The following CDKN2A variants were observed in gnomAD, a reference collection of about 807,000 sequenced individuals.
CDKN2A encodes cyclin dependent kinase inhibitor 2A.
A neutral mutation model predicts 11.1 loss-of-function variants in CDKN2A; 3 were observed. That is an observed-to-expected ratio of 0.27 (90% CI 0.12 to 0.70). CDKN2A has a LOEUF of 0.70. Ranked by LOEUF, CDKN2A falls within the 30% of genes least tolerant of loss-of-function variation. The pLI is 0.77. For synonymous variants in CDKN2A, 122 were observed against 108.1 expected (o/e 1.13, Z -0.80); for missense variants, 265 against 233.6 (o/e 1.13, Z -0.88).
chr9:21,993,781 T>G, intron 2 of CDKN2A: 1 of 290,964 alleles, frequency 3.4e-6, no homozygotes, highest in Non-Finnish European at 6.5e-6. Flanking sequence ...AAAGTGTGCT[T>G]GAAATACACC....
In CDKN2A at chr9:21,971,010, G is replaced by A. The variant is rs767692456; in HGVS notation, c.349C>T (p.Leu117=). ...RDAWGRLPVD[L]AEELGHRDVA... ...TCGCGATGGCCCAGCTCCTCAGCCA[G>A]GTCCACGGGCAGACGGCCCCAGGCA... Residue 117 remains leucine (L), a synonymous_variant, in exon 2 of 3, where the codon CTG becomes TTG. Coordinates refer to ENST00000304494, the MANE Select transcript of CDKN2A (RefSeq NM_000077.5). 6.2e-7 allele frequency: 1 copy of A among 1,608,576 alleles called. No homozygotes were observed. Among genetic ancestry groups the A allele is most frequent in the South Asian group, 1.1e-5 (1 of 91,004 alleles).
intron 2 of CDKN2A, chr9:21,969,662 C>T (rs1329366959): frequency 5.1e-6 from 2 of 393,040 alleles, no homozygotes; most frequent in African/African-American, 2.1e-5. Context: ...CCACTTGGCT[C>T]CTCAGGCTTT....
chr9:21,981,908 A>T (rs1372457000), intron 2 of CDKN2A, among the ~76,000 whole-genome samples: 2 of 152,222 alleles, frequency 1.3e-5, no homozygotes, highest in African/African-American at 4.8e-5. Context: ...CTGAGAAAGT[A>T]GAGCAGACCT....
rs2131109083 is a variant in CDKN2A at position 21,974,454 on chromosome 9, G to A, written c.150+224C>T. On this transcript the variant is annotated intron_variant, in intron 1 of 2. Transcript: ENST00000304494. This position sits in a 1 kb window ranked among gnomAD's most constrained non-coding sequence, Gnocchi z 5.2. ...CCCTTCAGATCTTCTCAGCATTCGA[G>A]AGATCTGTACGCGCGTGGCTCCTCA... 1 of 1,605,814 alleles carries A rather than the reference G, an allele frequency of 6.2e-7. No homozygotes were observed. The highest frequency in any genetic ancestry group is 8.5e-7 in the Non-Finnish European group (1 of 1,178,772).
intron 2 of CDKN2A, among the ~76,000 whole-genome samples, chr9:21,979,958 A>G (rs1820133711): frequency 6.6e-6 from 1 of 152,206 alleles, no homozygotes; most frequent in African/African-American, 2.4e-5. Flanking sequence ...AAAGAGACAG[A>G]AAGATACTTG....
In CDKN2A at chr9:21,988,312, C is replaced by T. The variant is rs190681559; in HGVS notation, c.-4+5570G>A. On this transcript the variant is annotated intron_variant, in intron 2 of 3. Transcript: ENST00000494262. This position sits in a 1 kb window ranked among gnomAD's most constrained non-coding sequence, Gnocchi z 4.1. ...CATGTTTATATTTTCATGAACAAAG[C>T]CAATAAGTCATAAAAATTAAAAATC... Among the ~76,000 whole-genome samples, 1 of 152,208 alleles carries T rather than the reference C, an allele frequency of 6.6e-6. No homozygotes were observed. Among genetic ancestry groups the T allele is most frequent in the East Asian group, 1.9e-4 (1 of 5,182 alleles).
At position 21,991,882 on chromosome 9, in the gene CDKN2A, GCTTAC is replaced by G; in HGVS notation, c.-4+1995_-4+1999del. 1 of 985,300 alleles carries G rather than the reference GCTTAC, an allele frequency of 1.0e-6. No homozygotes were observed. The highest frequency in any genetic ancestry group is 1.2e-6 in the Non-Finnish European group (1 of 829,812). 61.0% of individuals were successfully genotyped at this position (985,300 alleles called of 1,614,324 possible). ...TAATGGTTTATACTAACTGCACAGT[GCTTAC>G]CTTGAGAGGACTCTGTGCTATTAAA... On this transcript the variant is annotated intron_variant, in intron 2 of 3. Coordinates refer to the CDKN2A transcript ENST00000494262. The surrounding 1 kb of genome is among the most constrained non-coding windows in gnomAD (Gnocchi z 5.2).
chr9:21,970,474 G>A lies in CDKN2A; in HGVS notation c.457+428C>T, dbSNP rs140454397. The A allele has an allele frequency of 8.9e-4, 362 of 404,798 alleles. 1 individual carries two copies. The highest frequency in any genetic ancestry group is 6.7e-3 in the African/African-American group (333 of 49,962). The allele number at this position is 404,798 out of a possible 1,614,324, so 25.1% of individuals were successfully genotyped here. The stretch of plus-strand genomic sequence containing the variant: ...TCCAGATGATGCCACGCACAATTGG[G>A]TTTGGAAATCCTGAGGTTGGTCCAG... On this transcript the variant is annotated intron_variant, in intron 2 of 2. Coordinates refer to ENST00000304494, the MANE Select transcript of CDKN2A (RefSeq NM_000077.5).
chr9:21,980,884 G>A (rs1162586573), intron 2 of CDKN2A, among the ~76,000 whole-genome samples: 22 of 144,836 alleles, frequency 1.5e-4, no homozygotes, highest in Admixed American at 1.0e-3. Context: ...GCGTGAACCC[G>A]GGGGGCGGAG....
chr9:21,977,839 T>C (rs959474769), upstream of CDKN2A, among the ~76,000 whole-genome samples: 3 of 152,226 alleles, frequency 2.0e-5, no homozygotes, highest in Non-Finnish European at 2.9e-5. Flanking sequence ...CAGGGATTTC[T>C]CTGAAACTCT....
chr9:21,989,654 C>A (rs2131139275), intron 2 of CDKN2A: 1 of 152,326 alleles, frequency 6.6e-6, no homozygotes, highest in South Asian at 2.1e-4. Flanking sequence ...CCCATCCCCT[C>A]CAAAACAAGG....
upstream of CDKN2A, among the ~76,000 whole-genome samples, chr9:21,977,250 T>A (rs1167956872): frequency 6.6e-6 from 1 of 152,194 alleles, no homozygotes; most frequent in East Asian, 1.9e-4. Flanking sequence ...TTATTTTAGT[T>A]TAGTTTAAGA....
intron 1 of CDKN2A, among the ~76,000 whole-genome samples, chr9:21,973,647 C>T (rs1819883244): frequency 6.6e-6 from 1 of 152,018 alleles, no homozygotes; most frequent in Admixed American, 6.5e-5. Context: ...CACCTCTGTT[C>T]AAAAATGAGG....
At chr9:21,990,651 A>AGAGAGAGAGAGAGAGAG (rs1464228871) in intron 2 of CDKN2A, among the ~76,000 whole-genome samples, 538 of 147,488 alleles carry the variant, frequency 3.6e-3, no homozygotes, top group East Asian at 5.0e-3. Context: ...AGAGAGAGAG[A>AGAGAGAGAGAGAGAGAG]AACTGTTTAC....
At chr9:21,977,912 GA>G (rs757457640), upstream of CDKN2A, among the ~76,000 whole-genome samples, 54 of 152,210 alleles carry the variant, frequency 3.5e-4, no homozygotes, top group Non-Finnish European at 6.9e-4. Context: ...AGCTATTGGT[GA>G]AGAAGATGGG....
upstream of CDKN2A, among the ~76,000 whole-genome samples, chr9:21,977,694 G>A (rs1275064887): frequency 2.0e-5 from 3 of 152,122 alleles, no homozygotes; most frequent in South Asian, 2.1e-4. Context: ...GGGTGGGAGA[G>A]TGGGAAGAGT....
At position 21,968,709 on chromosome 9, in the gene CDKN2A, G is replaced by A. The variant is rs2131081811; in HGVS notation, c.458-467C>T. On this transcript the variant is annotated intron_variant, in intron 2 of 2. Coordinates refer to ENST00000304494, the MANE Select transcript of CDKN2A (RefSeq NM_000077.5). The surrounding 1 kb of genome is among the most constrained non-coding windows in gnomAD (Gnocchi z 4.7). Reference sequence around the variant, plus strand: ...CCTCAGGCTCTGGCGCTCCTCGGCGGAATCCCGTAGCTTCCCTACGCATGC... The same window carrying A: ...CCTCAGGCTCTGGCGCTCCTCGGCGAAATCCCGTAGCTTCCCTACGCATGC... 6.5e-7 allele frequency: 1 copy of A among 1,536,170 alleles called. No homozygotes were observed. The highest frequency in any genetic ancestry group is 1.2e-5 in the South Asian group (1 of 84,060).
chr9:21,978,191 A>T (rs1820087637), upstream of CDKN2A, among the ~76,000 whole-genome samples: 1 of 151,994 alleles, frequency 6.6e-6, no homozygotes, highest in African/African-American at 2.4e-5. Context: ...TGGGTGCAGC[A>T]CACCAACATG....
upstream of CDKN2A, among the ~76,000 whole-genome samples, chr9:21,976,573 G>A (rs1190592305): frequency 6.6e-6 from 1 of 151,738 alleles, no homozygotes; most frequent in Admixed American, 6.6e-5. Context: ...AAAATTAGCG[G>A]GGCTTGGTGG....
Sources: allele counts gnomAD v4.1 joint callset (sites outside exome capture counted in the v4.1 genomes callset), GRCh38; gene constraint gnomAD v4.1.1; non-coding constraint Gnocchi (gnomAD v3.1); transcripts MANE v1.5; gene names NCBI Gene and HGNC (gene_info 2026-07-23, HGNC 2026-07-21).